SEPTIN14: variants seen among roughly 807,000 people sequenced by gnomAD.
The protein encoded by SEPTIN14 is septin-14.
SEPTIN14 carries 40 observed loss-of-function variants against 53.6 expected under a neutral mutation model. The observed-to-expected ratio is 0.75, with a 90% CI of 0.58 to 0.97. SEPTIN14 has a LOEUF of 0.97. Ranked by LOEUF, SEPTIN14 falls within the 50% of genes least tolerant of loss-of-function variation. SEPTIN14 has a pLI of 0.00. For missense variants in SEPTIN14, 471 were observed against 508.2 expected, an observed-to-expected ratio of 0.93 and a Z score of 0.70; for synonymous variants, 138 against 166.8, an observed-to-expected ratio of 0.83 and a Z score of 1.33.
rs535732773 is a variant in SEPTIN14, at chr7:55,862,290, T to C, written c.-15-279A>G. On this transcript the variant is annotated intron_variant, in intron 1 of 9. Transcript: ENST00000388975. The stretch of plus-strand genomic sequence containing the variant: ...AAACTCCCTTTGGAAATCAAGAGGA[T>C]AAGAGCATTCTTCTTCTTTAAATGA... Among the ~76,000 whole-genome samples, 487 of 152,168 alleles carry C rather than the reference T, an allele frequency of 3.2e-3. 2 individuals carry two copies. Among genetic ancestry groups the C allele is most frequent in the African/African-American group, 0.011 (459 of 41,536 alleles).
intron 2 of SEPTIN14, among the ~76,000 whole-genome samples, chr7:55,849,413 G>T (rs950901119): frequency 6.6e-6 from 1 of 151,842 alleles, no homozygotes; most frequent in Non-Finnish European, 1.5e-5. Flanking sequence ...GCTTTGAAAA[G>T]ATTGATAAGA....
chr7:55,817,386 C>A (rs2115988576), intron 7 of SEPTIN14, among the ~76,000 whole-genome samples: 1 of 151,376 alleles, frequency 6.6e-6, no homozygotes, highest in East Asian at 1.9e-4. Context: ...TCAAAGGATA[C>A]AAAATTTTAG....
chr7:55,837,739 C>T (rs563410183), intron 5 of SEPTIN14, among the ~76,000 whole-genome samples: 6 of 152,144 alleles, frequency 3.9e-5, no homozygotes, highest in East Asian at 1.9e-4. Flanking sequence ...TGTGCCACCA[C>T]GCCCAGCTAA....
At chr7:55,845,913 T>G (rs981712165) in intron 3 of SEPTIN14, among the ~76,000 whole-genome samples, 2 of 148,948 alleles carry the variant, frequency 1.3e-5, no homozygotes, top group African/African-American at 2.5e-5. Flanking sequence ...GCCGGGTGTA[T>G]TGGCGGGCGC....
At chr7:55,856,882 G>A (rs1789637802) in intron 2 of SEPTIN14, among the ~76,000 whole-genome samples, 1 of 151,800 alleles carries the variant, frequency 6.6e-6, no homozygotes, top group Admixed American at 6.6e-5. Flanking sequence ...AGAGCAGCTT[G>A]GCCAACATGG....
intron 2 of SEPTIN14, among the ~76,000 whole-genome samples, chr7:55,854,893 T>C (rs111317816): frequency 0.04 from 6,114 of 152,124 alleles, 157 homozygotes; most frequent in Admixed American, 0.06. Flanking sequence ...AAAGTCAATA[T>C]ACAAAAATCA....
intron 2 of SEPTIN14, among the ~76,000 whole-genome samples, chr7:55,852,065 C>T (rs1178343277): frequency 1.3e-5 from 2 of 151,050 alleles, no homozygotes; most frequent in African/African-American, 2.4e-5. Context: ...TGACGTGAAC[C>T]TGAGAGGCAG....
chr7:55,828,327 CAG>C (rs1390340766), intron 6 of SEPTIN14, among the ~76,000 whole-genome samples: 2 of 129,854 alleles, frequency 1.5e-5, no homozygotes, highest in African/African-American at 3.0e-5. Flanking sequence ...CTTTTTGAGA[CAG>C]AGTCTTGCTC....
At chr7:55,832,604 T>C (rs962539803) in intron 6 of SEPTIN14, among the ~76,000 whole-genome samples, 2 of 152,154 alleles carry the variant, frequency 1.3e-5, no homozygotes, top group Non-Finnish European at 2.9e-5. Context: ...TGCAGTAACA[T>C]GGATGGAGCT....
chr7:55,793,751 A>T lies in SEPTIN14; in HGVS notation c.*2162T>A, dbSNP rs1788379548. On this transcript the variant is annotated 3_prime_UTR_variant, in exon 10 of 10. Transcript: ENST00000388975. ...ATTCAAATCAGAATGTTATAACTCC[A>T]GGATGTTATATGTAATTTTCATAGT... 6.6e-6 allele frequency: 1 copy of T among 152,174 alleles called. No homozygotes were observed. The highest frequency in any genetic ancestry group is 1.5e-5 in the Non-Finnish European group (1 of 68,022). The allele number at this position is 152,174 out of a possible 1,614,324, so 9.4% of individuals were successfully genotyped here.
At chr7:55,804,434 T>A (rs1330282907) in intron 9 of SEPTIN14, among the ~76,000 whole-genome samples, 1 of 151,874 alleles carries the variant, frequency 6.6e-6, no homozygotes, top group Non-Finnish European at 1.5e-5. Context: ...AATTTTTATA[T>A]TTTTAGTTGA....
chr7:55,833,081 G>A (rs944213735), intron 6 of SEPTIN14, among the ~76,000 whole-genome samples: 2 of 151,930 alleles, frequency 1.3e-5, no homozygotes, highest in African/African-American at 2.4e-5. Context: ...TTGTGAGGCC[G>A]AGGCAGGCAG....
intron 6 of SEPTIN14, among the ~76,000 whole-genome samples, chr7:55,824,203 G>A (rs1788946034): frequency 6.6e-6 from 1 of 152,034 alleles, no homozygotes. Flanking sequence ...AACAAGATAA[G>A]CCACCGACTG....
In SEPTIN14 at chr7:55,844,554, C is replaced by T. The variant is rs1789368005; in HGVS notation, c.340G>A (p.Gly114Arg). ...QLKLTVVETV[G>R]YGDQIDKEAS... ...TCTTTGTCTATTTGATCACCATACC[C>T]TACTGTCTCCACAACAGTCAATTTC... The change falls in exon 4 of 10, where the codon GGG (glycine) becomes AGG (arginine). Residue 114 changes from glycine (G) to arginine (R), a missense_variant. Coordinates refer to ENST00000388975, the MANE Select transcript of SEPTIN14 (RefSeq NM_207366.3). The T allele has an allele frequency of 6.3e-7, 1 of 1,591,660 alleles. No individual in the cohort carries two copies. Among genetic ancestry groups the T allele is most frequent in the Admixed American group, 1.7e-5 (1 of 59,494 alleles).
At chr7:55,812,803 C>G (rs1243008505) in intron 7 of SEPTIN14, among the ~76,000 whole-genome samples, 4 of 152,106 alleles carry the variant, frequency 2.6e-5, no homozygotes, top group Non-Finnish European at 4.4e-5. Flanking sequence ...ATTCATCCCC[C>G]AGCAGCACCA....
intron 3 of SEPTIN14, 28 bp from the exon 4 acceptor site, chr7:55,844,746 A>C: frequency 8.3e-7 from 1 of 1,209,938 alleles, no homozygotes; most frequent in Non-Finnish European, 1.1e-6. Flanking sequence ...TCATTGTCAT[A>C]GGGACATAAA....
At chr7:55,798,239 T>G in intron 9 of SEPTIN14, 1 of 405,338 alleles carries the variant, frequency 2.5e-6, no homozygotes. Flanking sequence ...AAGAACCTGC[T>G]GAGTTGGCAG....
rs1238811975 is a variant in SEPTIN14, at chr7:55,795,806, C to T, written c.*107G>A. 3.4e-6 allele frequency: 3 copies of T among 878,774 alleles called. No homozygotes were observed. Among genetic ancestry groups the T allele is most frequent in the Non-Finnish European group, 1.8e-6 (1 of 555,290 alleles). The allele number at this position is 878,774 out of a possible 1,614,324, so 54.4% of individuals were successfully genotyped here. On this transcript the variant is annotated 3_prime_UTR_variant, in exon 10 of 10. Transcript: ENST00000388975. Reference sequence around the variant, plus strand: ...TTAGTTGGGGAAAATATACAATAAGCAAGCCAATTTTTAAAATGAGAACTT... The same window carrying T: ...TTAGTTGGGGAAAATATACAATAAGTAAGCCAATTTTTAAAATGAGAACTT...
chr7:55,848,057 A>G (rs1420670724), intron 2 of SEPTIN14, among the ~76,000 whole-genome samples: 1 of 152,232 alleles, frequency 6.6e-6, no homozygotes, highest in Non-Finnish European at 1.5e-5. Context: ...ACCCGCTTTA[A>G]AAATGTTTTA....
Sources: allele counts gnomAD v4.1 joint callset (sites outside exome capture counted in the v4.1 genomes callset), GRCh38; gene constraint gnomAD v4.1.1; transcripts MANE v1.5; gene names NCBI Gene and HGNC (gene_info 2026-07-23, HGNC 2026-07-21).